ROBO2: variants seen among roughly 807,000 people sequenced by gnomAD.
The protein encoded by ROBO2 is roundabout homolog 2.
Under a neutral mutation model 160.8 loss-of-function variants are expected in ROBO2, and 53 were observed. The ratio of observed to expected loss-of-function variants is 0.33; its 90% CI spans 0.26 to 0.41. The LOEUF (loss-of-function observed/expected upper bound fraction) is 0.41. Ranked by LOEUF, ROBO2 falls within the 10% of genes least tolerant of loss-of-function variation. The pLI, the probability that ROBO2 is intolerant of heterozygous loss-of-function variation, is 1.00. For synonymous variants in ROBO2, 664 were observed against 611.7 expected, an observed-to-expected ratio of 1.09 and a Z score of -1.26; for missense variants, 1,577 against 1,722.4, an observed-to-expected ratio of 0.92 and a Z score of 1.49.
At chr3:77,193,629 G>A in intron 2 of ROBO2, among the ~76,000 whole-genome samples, 1 of 151,866 alleles carries the variant, frequency 6.6e-6, no homozygotes, top group Non-Finnish European at 1.5e-5. Context: ...TGCTAATTGG[G>A]CCATGACCTT....
intron 2 of ROBO2, among the ~76,000 whole-genome samples, chr3:76,574,224 T>G (rs2085144010): frequency 6.6e-6 from 1 of 152,100 alleles, no homozygotes; most frequent in Non-Finnish European, 1.5e-5. Flanking sequence ...CAGGTTTGTG[T>G]GAATGAGTAT....
At chr3:77,354,361 A>T (rs13096695) in intron 2 of ROBO2, among the ~76,000 whole-genome samples, 64,633 of 152,020 alleles carry the variant, frequency 0.43, 14,739 homozygotes, top group East Asian at 0.72. Context: ...CTGCAGTTTC[A>T]TTTCATTGTT....
At chr3:77,049,790 C>G (rs909037962) in intron 1 of ROBO2, among the ~76,000 whole-genome samples, 2 of 152,206 alleles carry the variant, frequency 1.3e-5, no homozygotes, top group African/African-American at 4.8e-5. Context: ...TATAACTCAA[C>G]TATCCCACTG....
chr3:76,670,555 A>G (rs1261149032), intron 2 of ROBO2, among the ~76,000 whole-genome samples: 5 of 151,908 alleles, frequency 3.3e-5, no homozygotes, highest in African/African-American at 4.8e-5. Flanking sequence ...TGTGCTTTCT[A>G]CCCTCTGGGC....
chr3:77,515,545 TC>T (rs1160310164), intron 5 of ROBO2, among the ~76,000 whole-genome samples: 1 of 151,752 alleles, frequency 6.6e-6, no homozygotes, highest in African/African-American at 2.4e-5. Context: ...AGACCTGAAT[TC>T]TAGTAACAAC....
chr3:76,284,837 T>A lies in ROBO2; in HGVS notation c.109+347235T>A, dbSNP rs1708430160. On this transcript the variant is annotated intron_variant, in intron 2 of 26. Transcript: ENST00000487694. ...TGGCAGATTTTTCCACCTGCTGCGA[T>A]GGTGTTGTGGTGGTAGAACTAAATT... is the stretch of plus-strand genomic sequence containing the variant. 2.0e-5 allele frequency among the ~76,000 whole-genome samples: 3 copies of A among 152,092 alleles called. No homozygotes were observed. The South Asian group carries it at 6.2e-4, about 32-fold the overall frequency.
At chr3:76,034,146 G>C (rs150851290) in intron 2 of ROBO2, among the ~76,000 whole-genome samples, 1 of 152,066 alleles carries the variant, frequency 6.6e-6, no homozygotes, top group Non-Finnish European at 1.5e-5. Flanking sequence ...TGCTTTCATG[G>C]GTCATTTGCA....
At chr3:76,410,286 A>G (rs1048448667) in intron 2 of ROBO2, among the ~76,000 whole-genome samples, 2 of 152,114 alleles carry the variant, frequency 1.3e-5, no homozygotes, top group African/African-American at 4.8e-5. Context: ...GCACTAATCT[A>G]TGTTATACAT....
At chr3:76,978,678 A>T (rs572067254) in intron 2 of ROBO2, among the ~76,000 whole-genome samples, 1 of 152,248 alleles carries the variant, frequency 6.6e-6, no homozygotes, top group East Asian at 1.9e-4. Context: ...TAAAATAGGT[A>T]ACAGATACTT....
chr3:75,916,243 GAGAACAAACTAAT>G (rs1370930156), intron 1 of ROBO2, among the ~76,000 whole-genome samples: 1 of 152,184 alleles, frequency 6.6e-6, no homozygotes, highest in Non-Finnish European at 1.5e-5. Context: ...CACCTTGGTA[GAGAACAAACTAAT>G]AGCTTTTTTC....
intron 2 of ROBO2, among the ~76,000 whole-genome samples, chr3:77,026,740 C>T (rs2062991547): frequency 6.6e-6 from 1 of 152,138 alleles, no homozygotes; most frequent in Non-Finnish European, 1.5e-5. Flanking sequence ...AGCAAAGTAT[C>T]TTTATGAGAC....
chr3:77,070,001 C>A (rs375565649), intron 1 of ROBO2, among the ~76,000 whole-genome samples: 2 of 152,062 alleles, frequency 1.3e-5, no homozygotes, highest in African/African-American at 4.8e-5. Context: ...AATTTCAATA[C>A]GACTGGTGTC....
At chr3:75,959,335 T>C (rs982555927) in intron 2 of ROBO2, among the ~76,000 whole-genome samples, 3 of 151,726 alleles carry the variant, frequency 2.0e-5, no homozygotes, top group Non-Finnish European at 4.4e-5. Context: ...TAAATTAAAC[T>C]ATAATTTCAA....
intron 2 of ROBO2, among the ~76,000 whole-genome samples, chr3:77,337,252 C>T (rs1047312529): frequency 1.3e-5 from 2 of 152,102 alleles, no homozygotes; most frequent in Non-Finnish European, 2.9e-5. Flanking sequence ...AGCATTTTGG[C>T]TTTTCCATTC....
intron 11 of ROBO2, 100 bp from the exon 13 acceptor site, chr3:77,564,853 TG>T: frequency 1.1e-6 from 1 of 880,366 alleles, no homozygotes; most frequent in African/African-American, 1.7e-5. Context: ...TGTGTGTGTG[TG>T]TGTTTAATTT....
At chr3:77,474,945 A>G (rs982544004) in intron 2 of ROBO2, among the ~76,000 whole-genome samples, 16 of 152,312 alleles carry the variant, frequency 1.1e-4, no homozygotes, top group Non-Finnish European at 1.9e-4. Context: ...CATATAAACA[A>G]ATATCAGAAT....
intron 2 of ROBO2, among the ~76,000 whole-genome samples, chr3:76,411,217 C>G (rs1040409390): frequency 6.6e-6 from 1 of 152,006 alleles, no homozygotes; most frequent in Non-Finnish European, 1.5e-5. Flanking sequence ...AGAACCTTGA[C>G]GTTCAGTTTA....
chr3:76,465,710 A>G (rs1027473157), intron 2 of ROBO2, among the ~76,000 whole-genome samples: 1 of 151,988 alleles, frequency 6.6e-6, no homozygotes, highest in Non-Finnish European at 1.5e-5. Flanking sequence ...TAATTTCTGT[A>G]TGCTATCATA....
chr3:76,034,328 C>A (rs1465252080), intron 2 of ROBO2, among the ~76,000 whole-genome samples: 2 of 152,112 alleles, frequency 1.3e-5, no homozygotes, highest in African/African-American at 2.4e-5. Flanking sequence ...TTGATATAAT[C>A]TCCTTCTCCT....
Sources: gnomAD v4.1 joint callset for allele counts (sites outside exome capture counted in the v4.1 genomes callset) on GRCh38, gnomAD v4.1.1 for gene constraint, MANE v1.5 for transcripts, NCBI Gene and HGNC (gene_info 2026-07-23, HGNC 2026-07-21) for gene names.